SENP1: variants seen among roughly 807,000 people sequenced by gnomAD.
SENP1 encodes the protein sentrin-specific protease 1.
SENP1 carries 21 observed loss-of-function variants against 93.0 expected under a neutral mutation model. That is an observed-to-expected ratio of 0.23 (90% CI 0.16 to 0.33). The LOEUF (loss-of-function observed/expected upper bound fraction) is 0.33, where lower values mean the gene tolerates loss of function less well. Among genes scored for constraint, SENP1 ranks in the 10% least tolerant of loss-of-function variants. The pLI, the probability that SENP1 is intolerant of heterozygous loss-of-function variation, is 1.00. For missense variants in SENP1, 591 were observed against 758.7 expected (o/e 0.78, Z 2.60); for synonymous variants, 256 against 259.6 (o/e 0.99, Z 0.13).
chr12:48,070,472 T>C (rs559179993), intron 9 of SENP1, among the ~76,000 whole-genome samples: 16 of 152,246 alleles, frequency 1.1e-4, no homozygotes, highest in African/African-American at 3.4e-4. Flanking sequence ...TCCTTGAGCA[T>C]AGGGACTTCA....
intron 8 of SENP1, among the ~76,000 whole-genome samples, chr12:48,073,347 T>C (rs1943843676): frequency 6.6e-6 from 1 of 151,396 alleles, no homozygotes. Context: ...TCTTCATGGA[T>C]ATGTGTAGCT....
At chr12:48,051,081 T>C (rs1469705825) in intron 13 of SENP1, among the ~76,000 whole-genome samples, 1 of 124,424 alleles carries the variant, frequency 8.0e-6, no homozygotes, top group Admixed American at 9.4e-5. Context: ...AAGTCTGAAG[T>C]GAAAAAAAAA....
rs552411576 is a variant in SENP1, at chr12:48,085,489, G to T, written c.381-1727C>A. 68 of 569,184 alleles carry T rather than the reference G, an allele frequency of 1.2e-4. 1 individual carries two copies. In the South Asian group the frequency reaches 1.9e-3, roughly 16 times the overall value. 35.3% of individuals were successfully genotyped at this position (569,184 alleles called of 1,614,324 possible). On this transcript the variant is annotated intron_variant, in intron 5 of 17. Coordinates refer to ENST00000549518, the MANE Select transcript of SENP1 (RefSeq NM_001267594.2). ...CATTCTCAGGCCTCTCCCCAGGCTT[G>T]CCATCAGCCTTCTTTACATTTTGAG...
chr12:48,083,058 C>G (rs1298511363), intron 6 of SENP1, among the ~76,000 whole-genome samples: 1 of 152,056 alleles, frequency 6.6e-6, no homozygotes, highest in Non-Finnish European at 1.5e-5. Flanking sequence ...ATATGAGCCA[C>G]CAAGCCCGTC....
At position 48,083,580 on chromosome 12, in the gene SENP1, G is replaced by T. The variant is rs552888562; in HGVS notation, c.552+11C>A. The T allele has an allele frequency of 2.5e-6, 4 of 1,610,548 alleles. No individual in the cohort carries two copies. The highest frequency in any genetic ancestry group is 1.7e-5 in the Admixed American group (1 of 59,468). On this transcript the variant is annotated intron_variant, in intron 6 of 17. Coordinates refer to ENST00000549518, the MANE Select transcript of SENP1 (RefSeq NM_001267594.2). ...TAACTTTTAGTAGCTTTTGTCACACGTTTTCCTTACCTCTTCTGCTGTACT... is the reference window on the plus strand; with the variant it reads ...TAACTTTTAGTAGCTTTTGTCACACTTTTTCCTTACCTCTTCTGCTGTACT...
chr12:48,080,428 C>T (rs1944421649), intron 6 of SENP1: 1 of 152,320 alleles, frequency 6.6e-6, no homozygotes, highest in Admixed American at 6.5e-5. Context: ...TCTCTTCAAA[C>T]CTCTGTTGTA....
At chr12:48,092,935 C>T (rs1945306380) in intron 4 of SENP1, among the ~76,000 whole-genome samples, 1 of 152,126 alleles carries the variant, frequency 6.6e-6, no homozygotes, top group Non-Finnish European at 1.5e-5. Context: ...TATACCAATG[C>T]TTTTAAGTCA....
intron 13 of SENP1, among the ~76,000 whole-genome samples, chr12:48,056,476 T>TATTTAATATATTACATATATAAATA (rs1942383941): frequency 1.5e-5 from 1 of 65,554 alleles, no homozygotes; most frequent in African/African-American, 1.2e-4. Context: ...ATAAATATAT[T>TATTTAATATATTACATATATAAATA]ATTTAATATA....
intron 6 of SENP1, among the ~76,000 whole-genome samples, chr12:48,075,805 A>C (rs916706145): frequency 1.3e-5 from 2 of 152,212 alleles, no homozygotes; most frequent in African/African-American, 4.8e-5. Context: ...GGGTAAGAGA[A>C]TGGAAAGTGA....
chr12:48,098,636 T>C (rs1592483969), intron 2 of SENP1, among the ~76,000 whole-genome samples: 12 of 101,120 alleles, frequency 1.2e-4, no homozygotes, highest in African/African-American at 2.5e-4. Flanking sequence ...AGAGCAAAAC[T>C]CCATCTCAAA....
rs1395700383 is a variant in SENP1, at chr12:48,074,307, T to C, written c.940+17A>G. ...GCTATTAGGACTAAAAATGTAGTTATATGATACCATGTTTACCTTCAGATT... is the reference window on the plus strand; with the variant it reads ...GCTATTAGGACTAAAAATGTAGTTACATGATACCATGTTTACCTTCAGATT... On this transcript the variant is annotated intron_variant, in intron 8 of 17. Transcript: ENST00000549518. 3.1e-6 allele frequency: 5 copies of C among 1,596,156 alleles called. No individual in the cohort carries two copies. Among genetic ancestry groups the C allele is most frequent in the African/African-American group, 2.7e-5 (2 of 74,550 alleles).
chr12:48,082,072 G>A (rs912112240), intron 6 of SENP1, among the ~76,000 whole-genome samples: 3 of 151,730 alleles, frequency 2.0e-5, no homozygotes, highest in African/African-American at 7.3e-5. Context: ...TGTATTTTTA[G>A]TAGAGACAGG....
At chr12:48,096,302 A>G in intron 4 of SENP1, 41 bp downstream of exon 4, 1 of 1,162,146 alleles carries the variant, frequency 8.6e-7, no homozygotes. Context: ...CAAGAAATCC[A>G]AAAGGTATAA....
chr12:48,062,032 A>G (rs1241454859), intron 13 of SENP1, among the ~76,000 whole-genome samples: 1 of 152,194 alleles, frequency 6.6e-6, no homozygotes, highest in Non-Finnish European at 1.5e-5. Context: ...TTAGCTTGCT[A>G]AAAATCCAGC....
chr12:48,060,051 A>G (rs1361019593), intron 13 of SENP1, among the ~76,000 whole-genome samples: 1 of 152,130 alleles, frequency 6.6e-6, no homozygotes, highest in African/African-American at 2.4e-5. Flanking sequence ...CCCTCTGCAC[A>G]GACTCTACCA....
rs979918529 is a variant in SENP1, at chr12:48,045,277, G to C, written c.*45C>G. The C allele has an allele frequency of 3.3e-6, 5 of 1,535,362 alleles. No individual in the cohort carries two copies. The highest frequency in any genetic ancestry group is 1.4e-5 in the African/African-American group (1 of 73,296). ...AAGGTCTCTGGCTGTAGACAACAAA[G>C]AGCTGGTCCCCCACATGGTCAAGGT... On this transcript the variant is annotated 3_prime_UTR_variant, in exon 18 of 18. Transcript: ENST00000549518.
chr12:48,056,468 AAATAT>A lies in SENP1; in HGVS notation c.1407+7237_1407+7241del, dbSNP rs1458141554. 1.5e-3 allele frequency among the ~76,000 whole-genome samples: 159 copies of A among 104,808 alleles called. 6 individuals carry two copies. The highest frequency in any genetic ancestry group is 0.013 in the Middle Eastern group (1 of 78). 68.8% of individuals were successfully genotyped at this position (104,808 alleles called of 152,430 possible). On this transcript the variant is annotated intron_variant, in intron 13 of 17. Transcript: ENST00000549518. ...TTAATATATTACATATTACATATAT[AAATAT>A]ATTATTTAATATATTACATATTACA...
chr12:48,074,065 G>T (rs1943898221), intron 8 of SENP1, among the ~76,000 whole-genome samples: 1 of 151,864 alleles, frequency 6.6e-6, no homozygotes, highest in African/African-American at 2.4e-5. Flanking sequence ...TGGATTTTTT[G>T]GACTTTTGAA....
chr12:48,057,565 T>C (rs1254498574), intron 13 of SENP1, among the ~76,000 whole-genome samples: 1 of 140,850 alleles, frequency 7.1e-6, no homozygotes, highest in East Asian at 2.1e-4. Flanking sequence ...AATATATTAT[T>C]TATATATAAC....
Sources: allele counts gnomAD v4.1 joint callset (sites outside exome capture counted in the v4.1 genomes callset), GRCh38; gene constraint gnomAD v4.1.1; transcripts MANE v1.5; gene names NCBI Gene and HGNC (gene_info 2026-07-23, HGNC 2026-07-21).